Variants in PTPRD observed in about 807,000 individuals in gnomAD.
The protein encoded by PTPRD is receptor-type tyrosine-protein phosphatase delta.
Under a neutral mutation model 214.5 loss-of-function variants are expected in PTPRD, and 34 were observed. That is an observed-to-expected ratio of 0.16 (90% CI 0.12 to 0.21). PTPRD has a LOEUF of 0.21. Ranked by LOEUF, PTPRD falls within the 10% of genes least tolerant of loss-of-function variation. The pLI, the probability that PTPRD is intolerant of heterozygous loss-of-function variation, is 1.00. For missense variants in PTPRD, 2,545 were observed against 2,398.7 expected, an observed-to-expected ratio of 1.06 and a Z score of -1.27; for synonymous variants, 1,128 against 845.7, an observed-to-expected ratio of 1.33 and a Z score of -5.79.
chr9:9,311,913 A>C (rs1959129965), intron 9 of PTPRD, among the ~76,000 whole-genome samples: 1 of 152,212 alleles, frequency 6.6e-6, no homozygotes, highest in Non-Finnish European at 1.5e-5. Flanking sequence ...CTAATCTTGC[A>C]CATTAACTTT....
At chr9:10,576,613 A>G (rs1490605854) in intron 2 of PTPRD, among the ~76,000 whole-genome samples, 1 of 152,154 alleles carries the variant, frequency 6.6e-6, no homozygotes, top group East Asian at 1.9e-4. Flanking sequence ...CTTCCCTGCT[A>G]AACGATTGTC....
chr9:9,347,960 G>A (rs1489834098), intron 9 of PTPRD, among the ~76,000 whole-genome samples: 3 of 152,020 alleles, frequency 2.0e-5, no homozygotes, highest in African/African-American at 7.2e-5. Context: ...AGCCATTACT[G>A]CCTATAAAGT....
intron 9 of PTPRD, among the ~76,000 whole-genome samples, chr9:9,310,986 C>T (rs1000216625): frequency 1.3e-5 from 2 of 150,910 alleles, no homozygotes; most frequent in Non-Finnish European, 3.0e-5. Context: ...GGAGGCCCAT[C>T]TTAAATATGA....
intron 10 of PTPRD, among the ~76,000 whole-genome samples, chr9:9,137,573 G>C (rs929173198): frequency 1.3e-5 from 2 of 152,128 alleles, no homozygotes; most frequent in Admixed American, 1.3e-4. Context: ...GGTGCATATT[G>C]AAACCATGGA....
chr9:10,057,920 T>G (rs421888), intron 3 of PTPRD, among the ~76,000 whole-genome samples: 1 of 151,540 alleles, frequency 6.6e-6, no homozygotes. Context: ...CACTGGCTCA[T>G]GACAGTGACA....
chr9:9,395,861 G>A (rs2067594211), intron 9 of PTPRD, among the ~76,000 whole-genome samples: 1 of 152,032 alleles, frequency 6.6e-6, no homozygotes, highest in African/African-American at 2.4e-5. Flanking sequence ...ATTATGGTTA[G>A]GACTATCTAC....
At chr9:8,849,591 G>A (rs1397717738) in intron 11 of PTPRD, among the ~76,000 whole-genome samples, 1 of 152,148 alleles carries the variant, frequency 6.6e-6, no homozygotes, top group Non-Finnish European at 1.5e-5. Flanking sequence ...ATTAGAAAAT[G>A]AGAGAATAAT....
intron 14 of PTPRD, among the ~76,000 whole-genome samples, chr9:8,534,596 T>C (rs2076476699): frequency 6.7e-6 from 1 of 149,770 alleles, no homozygotes; most frequent in African/African-American, 2.4e-5. Context: ...ACGAGTAATA[T>C]GCAGCGTATT....
chr9:9,093,282 T>C (rs1008953839), intron 10 of PTPRD, among the ~76,000 whole-genome samples: 1 of 151,986 alleles, frequency 6.6e-6, no homozygotes, highest in Non-Finnish European at 1.5e-5. Flanking sequence ...ACAATTAAAC[T>C]GAAAATCAGT....
chr9:8,905,508 G>A (rs989589626), intron 11 of PTPRD, among the ~76,000 whole-genome samples: 10 of 151,986 alleles, frequency 6.6e-5, no homozygotes, highest in African/African-American at 1.7e-4. Flanking sequence ...GGAGGTTGAG[G>A]CGGGCGGATT....
intron 9 of PTPRD, among the ~76,000 whole-genome samples, chr9:9,354,071 A>T (rs1335897143): frequency 6.6e-6 from 1 of 151,798 alleles, no homozygotes; most frequent in Non-Finnish European, 1.5e-5. Context: ...TCCTTCTTCT[A>T]TGAAGCCACA....
chr9:9,236,368 G>C (rs763023477), intron 9 of PTPRD, among the ~76,000 whole-genome samples: 2 of 151,870 alleles, frequency 1.3e-5, no homozygotes, highest in Non-Finnish European at 2.9e-5. Context: ...TGGACACAAA[G>C]GAGTATAAAA....
intron 5 of PTPRD, among the ~76,000 whole-genome samples, chr9:9,767,557 A>T (rs1214003349): frequency 6.6e-6 from 1 of 152,102 alleles, no homozygotes; most frequent in Non-Finnish European, 1.5e-5. Flanking sequence ...AAAGGCACAG[A>T]TTATCTAAAT....
At chr9:9,006,200 C>A (rs937485888) in intron 11 of PTPRD, among the ~76,000 whole-genome samples, 2 of 69,868 alleles carry the variant, frequency 2.9e-5, no homozygotes, top group African/African-American at 8.2e-5. Context: ...TGTATCCAAC[C>A]GATGATGTAA....
chr9:9,499,764 A>G (rs1189641975), intron 8 of PTPRD, among the ~76,000 whole-genome samples: 1 of 152,064 alleles, frequency 6.6e-6, no homozygotes, highest in East Asian at 1.9e-4. Context: ...AATGCCCTCT[A>G]GTGTACAGAA....
intron 2 of PTPRD, among the ~76,000 whole-genome samples, chr9:10,538,699 G>C (rs952060537): frequency 3.3e-5 from 5 of 151,968 alleles, no homozygotes; most frequent in African/African-American, 1.2e-4. Context: ...TGTTAATCCT[G>C]TTTATCTTTT....
rs1306932741 is a variant in PTPRD, at chr9:9,846,566, A to G, written c.-367-79715T>C. Among the ~76,000 whole-genome samples the G allele has an allele frequency of 2.0e-5, 3 of 152,292 alleles. No individual in the cohort carries two copies. The East Asian group carries it at 5.8e-4, about 29-fold the overall frequency. On this transcript the variant is annotated intron_variant, in intron 5 of 45. Coordinates refer to ENST00000381196, the MANE Select transcript of PTPRD (RefSeq NM_002839.4). ...TCAACATATAGCAATCATGGGTATCAAAACATGGTGTACATAAAGAGTTAC... is the reference window on the plus strand; with the variant it reads ...TCAACATATAGCAATCATGGGTATCGAAACATGGTGTACATAAAGAGTTAC...
intron 7 of PTPRD, among the ~76,000 whole-genome samples, chr9:9,696,769 C>T (rs2097382948): frequency 1.3e-5 from 2 of 151,998 alleles, no homozygotes; most frequent in African/African-American, 4.8e-5. Flanking sequence ...CACTCTTTGC[C>T]ATTTAATGGA....
At chr9:10,167,549 T>C (rs969077840) in intron 3 of PTPRD, among the ~76,000 whole-genome samples, 11 of 152,164 alleles carry the variant, frequency 7.2e-5, no homozygotes, top group African/African-American at 2.7e-4. Flanking sequence ...TTTTCTGAAC[T>C]GTAATTTTTA....
Sources: allele counts gnomAD v4.1 joint callset (sites outside exome capture counted in the v4.1 genomes callset), GRCh38; gene constraint gnomAD v4.1.1; transcripts MANE v1.5; gene names NCBI Gene and HGNC (gene_info 2026-07-23, HGNC 2026-07-21).